Variants in ASXL3 observed in about 807,000 individuals in gnomAD.
ASXL3 encodes putative Polycomb group protein ASXL3.
ASXL3 carries 34 observed loss-of-function variants against 170.6 expected under a neutral mutation model. The ratio of observed to expected loss-of-function variants is 0.20; its 90% CI spans 0.15 to 0.27. The LOEUF (loss-of-function observed/expected upper bound fraction) is 0.27, where lower values mean the gene tolerates loss of function less well. Ranked by LOEUF, ASXL3 falls within the 10% of genes least tolerant of loss-of-function variation. The probability of loss-of-function intolerance (pLI) is 1.00; values close to 1 mark genes in which losing one functional copy is unlikely to be tolerated. For synonymous variants in ASXL3, 1,002 were observed against 989.1 expected (o/e 1.01, Z -0.24); for missense variants, 2,592 against 2,695.3 (o/e 0.96, Z 0.85).
In ASXL3 at chr18:33,750,259, G is replaced by A. The variant is rs758587280; in HGVS notation, c.*3664G>A. 1 of 152,154 alleles carries A rather than the reference G, an allele frequency of 6.6e-6. No individual in the cohort carries two copies. The highest frequency in any genetic ancestry group is 2.1e-4 in the South Asian group (1 of 4,828). 9.4% of individuals were successfully genotyped at this position (152,154 alleles called of 1,614,324 possible). A position where few individuals can be genotyped will look rare whatever the true frequency, so the allele number is the denominator to read the frequency against. On this transcript the variant is annotated 3_prime_UTR_variant, in exon 12 of 12. Coordinates refer to ENST00000269197, the MANE Select transcript of ASXL3 (RefSeq NM_030632.3). ...TGTTACTAAATATAAAATTCCTGTC[G>A]TCTTCAGTCTTCATGCTTTGTCACT...
chr18:33,708,896 A>G (rs2067007132), intron 8 of ASXL3, among the ~76,000 whole-genome samples: 1 of 152,196 alleles, frequency 6.6e-6, no homozygotes, highest in African/African-American at 2.4e-5. Flanking sequence ...ATTGACTTTA[A>G]TCAATCAGTT....
chr18:33,606,153 A>G (rs8095947), intron 1 of ASXL3, among the ~76,000 whole-genome samples: 3,883 of 151,500 alleles, frequency 0.026, 185 homozygotes, highest in African/African-American at 0.089. Context: ...TTTCCAATAT[A>G]TTTATACTCC....
At chr18:33,632,521 G>C (rs1414027706) in intron 2 of ASXL3, among the ~76,000 whole-genome samples, 1 of 152,080 alleles carries the variant, frequency 6.6e-6, no homozygotes, top group Non-Finnish European at 1.5e-5. Context: ...TTGTCAAACT[G>C]ATTTCTTCTG....
chr18:33,597,170 A>G (rs970878592), intron 1 of ASXL3, among the ~76,000 whole-genome samples: 4 of 152,122 alleles, frequency 2.6e-5, no homozygotes, highest in African/African-American at 4.8e-5. Flanking sequence ...TAATACATGC[A>G]TAAGTCATAT....
intron 2 of ASXL3, among the ~76,000 whole-genome samples, chr18:33,641,524 G>T (rs933919930): frequency 1.3e-5 from 2 of 152,042 alleles, no homozygotes; most frequent in Non-Finnish European, 2.9e-5. Context: ...TTTATTTCTA[G>T]TTATATTTAT....
At position 33,618,501 on chromosome 18, in the gene ASXL3, A is replaced by G. The variant is rs149582414; in HGVS notation, c.137+10825A>G. ...AAGATAAAGTTGTGGAGATGTAGATATTACTGTTAAGTTAATTAAATACCT... is the reference window on the plus strand; with the variant it reads ...AAGATAAAGTTGTGGAGATGTAGATGTTACTGTTAAGTTAATTAAATACCT... On this transcript the variant is annotated intron_variant, in intron 2 of 11. Coordinates refer to ENST00000269197, the MANE Select transcript of ASXL3 (RefSeq NM_030632.3). Among the ~76,000 whole-genome samples the G allele has an allele frequency of 8.2e-3, 1,254 of 152,232 alleles. 9 individuals carry two copies. The highest frequency in any genetic ancestry group is 0.014 in the Middle Eastern group (4 of 294).
intron 4 of ASXL3, among the ~76,000 whole-genome samples, chr18:33,659,160 A>G (rs1365760536): frequency 6.6e-6 from 1 of 152,064 alleles, no homozygotes; most frequent in African/African-American, 2.4e-5. Context: ...TTTCTTATTC[A>G]GAAAATAGGA....
chr18:33,596,904 C>T (rs1049105582), intron 1 of ASXL3, among the ~76,000 whole-genome samples: 2 of 152,152 alleles, frequency 1.3e-5, no homozygotes, highest in African/African-American at 2.4e-5. Flanking sequence ...CAATCTCCAC[C>T]TCTCAGACTC....
chr18:33,749,052 C>T lies in ASXL3; in HGVS notation c.*2457C>T, dbSNP rs1032640601. ...GTGCATGGATTCTATCATCCAGGTC[C>T]GATTAGCATAATTTTTCTGCGCCCT... On this transcript the variant is annotated 3_prime_UTR_variant, in exon 12 of 12. Coordinates refer to ENST00000269197, the MANE Select transcript of ASXL3 (RefSeq NM_030632.3). 5 of 147,268 alleles carry T rather than the reference C, an allele frequency of 3.4e-5. No homozygotes were observed. The highest frequency in any genetic ancestry group is 7.5e-5 in the African/African-American group (3 of 39,960). The allele number at this position is 147,268 out of a possible 1,614,324, so 9.1% of individuals were successfully genotyped here.
At chr18:33,667,210 G>C (rs1441763804) in intron 5 of ASXL3, among the ~76,000 whole-genome samples, 2 of 152,116 alleles carry the variant, frequency 1.3e-5, no homozygotes, top group South Asian at 4.1e-4. Context: ...GACAACACTG[G>C]TTAAGATAAC....
chr18:33,653,367 T>C (rs895955948), intron 4 of ASXL3, among the ~76,000 whole-genome samples: 2 of 152,104 alleles, frequency 1.3e-5, no homozygotes, highest in South Asian at 2.1e-4. Context: ...TTTGGGAGAC[T>C]AAGCTAATTT....
intron 7 of ASXL3, among the ~76,000 whole-genome samples, chr18:33,681,114 G>A (rs553866815): frequency 7.9e-5 from 12 of 151,866 alleles, no homozygotes; most frequent in African/African-American, 2.9e-4. Flanking sequence ...TGTTCCCAGA[G>A]CATACCAGAG....
chr18:33,697,040 T>C (rs4799715), intron 8 of ASXL3, among the ~76,000 whole-genome samples: 71,053 of 151,846 alleles, frequency 0.47, 17,138 homozygotes, highest in East Asian at 0.82. Context: ...TCAATATCTA[T>C]GACTGATCTA....
chr18:33,630,683 G>A (rs564228789), intron 2 of ASXL3, among the ~76,000 whole-genome samples: 3 of 152,020 alleles, frequency 2.0e-5, no homozygotes, highest in African/African-American at 7.2e-5. Flanking sequence ...ACATTCTGCT[G>A]ATCAAGGAAT....
At chr18:33,601,093 C>T (rs1249903704) in intron 1 of ASXL3, among the ~76,000 whole-genome samples, 1 of 152,034 alleles carries the variant, frequency 6.6e-6, no homozygotes, top group African/African-American at 2.4e-5. Context: ...TGGTGGAATA[C>T]GTTTGGAATT....
chr18:33,699,369 A>AG (rs1197925936), intron 8 of ASXL3, among the ~76,000 whole-genome samples: 1 of 151,970 alleles, frequency 6.6e-6, no homozygotes, highest in Non-Finnish European at 1.5e-5. Context: ...AAATAATGAA[A>AG]TTATTAGTTG....
intron 8 of ASXL3, among the ~76,000 whole-genome samples, chr18:33,727,140 G>A (rs535164237): frequency 5.3e-4 from 81 of 151,550 alleles, no homozygotes; most frequent in African/African-American, 1.5e-3. Flanking sequence ...ATGACTCCTC[G>A]TTGTCTGTAG....
At chr18:33,641,849 C>T (rs1327325381) in intron 2 of ASXL3, 1 of 152,430 alleles carries the variant, frequency 6.6e-6, no homozygotes, top group East Asian at 1.9e-4. Flanking sequence ...ATTTCAGAGA[C>T]TTTTAAATTA....
chr18:33,596,549 GAT>G (rs1447258481), intron 1 of ASXL3, among the ~76,000 whole-genome samples: 1 of 152,142 alleles, frequency 6.6e-6, no homozygotes, highest in East Asian at 1.9e-4. Context: ...ATTATCTAAA[GAT>G]ATATTTTACA....
Sources: gnomAD v4.1 joint callset for allele counts (sites outside exome capture counted in the v4.1 genomes callset) on GRCh38, gnomAD v4.1.1 for gene constraint, MANE v1.5 for transcripts, NCBI Gene and HGNC (gene_info 2026-07-23, HGNC 2026-07-21) for gene names.